The following ADGRV1 variants were observed in gnomAD, a reference collection of about 807,000 sequenced individuals.
ADGRV1 encodes adhesion G protein-coupled receptor V1.
A neutral mutation model predicts 596.2 loss-of-function variants in ADGRV1; 359 were observed. The observed-to-expected ratio is 0.60, with a 90% CI of 0.55 to 0.66. ADGRV1 has a LOEUF of 0.66. ADGRV1 is among the 30% of genes least tolerant of loss of function. The probability of loss-of-function intolerance (pLI) is 0.00; values close to 1 mark genes in which losing one functional copy is unlikely to be tolerated. For synonymous variants in ADGRV1, 2,681 were observed against 2,679.2 expected, an observed-to-expected ratio of 1.00 and a Z score of -0.02; for missense variants, 7,274 against 7,575.6, an observed-to-expected ratio of 0.96 and a Z score of 1.48.
chr5:90,972,342 C>T (rs1011001243), intron 84 of ADGRV1, among the ~76,000 whole-genome samples: 35 of 152,216 alleles, frequency 2.3e-4, no homozygotes, highest in Admixed American at 5.9e-4. Flanking sequence ...CAGCTCTGCA[C>T]CAAGCGGATC....
chr5:90,679,684 A>C, intron 26 of ADGRV1, 55 bp downstream of exon 26: 1 of 1,235,348 alleles, frequency 8.1e-7, no homozygotes, highest in Non-Finnish European at 1.2e-6. Context: ...TTAACTTCTC[A>C]TTTTAGAGAC....
At chr5:91,043,110 A>G (rs1482197681) in intron 85 of ADGRV1, among the ~76,000 whole-genome samples, 1 of 152,194 alleles carries the variant, frequency 6.6e-6, no homozygotes, top group East Asian at 1.9e-4. Context: ...TGTAACTCTT[A>G]TGAGAAGAGG....
intron 74 of ADGRV1, among the ~76,000 whole-genome samples, chr5:90,813,201 TAGA>T (rs199819429): frequency 0.94 from 112,621 of 120,122 alleles, 53,058 homozygotes; most frequent in East Asian, 1. Flanking sequence ...CTCATTCTAA[TAGA>T]GACACAGATA....
intron 87 of ADGRV1, among the ~76,000 whole-genome samples, chr5:91,133,525 G>A (rs1794385934): frequency 6.6e-6 from 1 of 152,242 alleles, no homozygotes. Context: ...AGGTTTCTGA[G>A]CTTGCTAAGG....
intron 83 of ADGRV1, among the ~76,000 whole-genome samples, chr5:90,896,409 T>G (rs1298938376): frequency 6.6e-6 from 1 of 151,184 alleles, no homozygotes; most frequent in Admixed American, 6.6e-5. Context: ...TAGGTGGGAC[T>G]ACAGGCATTT....
chr5:90,664,937 A>T (rs1771047039), intron 21 of ADGRV1, among the ~76,000 whole-genome samples: 1 of 152,030 alleles, frequency 6.6e-6, no homozygotes, highest in African/African-American at 2.4e-5. Flanking sequence ...CGTATATTGA[A>T]CCAGCTTGCA....
At chr5:90,948,932 T>TA (rs200356509) in intron 83 of ADGRV1, among the ~76,000 whole-genome samples, 2,000 of 152,180 alleles carry the variant, frequency 0.013, 52 homozygotes, top group African/African-American at 0.046. Context: ...CGTCTGTGTA[T>TA]AAAATATTTA....
chr5:90,753,648 A>G lies in ADGRV1; in HGVS notation c.11196A>G (p.Ser3732=), dbSNP rs1164189178. Reference sequence around the variant, plus strand: ...TTGCTGATAATATACCAGAGTTATCAGAGGTTGTGATTGTAACCCTCACCC... The same window carrying G: ...TTGCTGATAATATACCAGAGTTATCGGAGGTTGTGATTGTAACCCTCACCC... The part of the protein sequence containing the change: ...TILADNIPEL[S]EVVIVTLTRI... Residue 3732 remains serine, a synonymous_variant, in exon 54 of 90, where the codon TCA becomes TCG. Coordinates refer to ENST00000405460, the MANE Select transcript of ADGRV1 (RefSeq NM_032119.4). 1.2e-6 allele frequency: 2 copies of G among 1,613,434 alleles called. No individual in the cohort carries two copies. The highest frequency in any genetic ancestry group is 2.7e-5 in the African/African-American group (2 of 74,900).
chr5:90,563,963 G>A (rs992731400), intron 1 of ADGRV1, among the ~76,000 whole-genome samples: 5 of 152,198 alleles, frequency 3.3e-5, no homozygotes, highest in Non-Finnish European at 5.9e-5. Context: ...TGTAATCCAT[G>A]TCATGGACCA....
chr5:90,918,926 A>G (rs906862651), intron 83 of ADGRV1, among the ~76,000 whole-genome samples: 43 of 152,026 alleles, frequency 2.8e-4, no homozygotes, highest in African/African-American at 1.0e-3. Context: ...TAACCCAGAG[A>G]CCTAATCAAT....
intron 69 of ADGRV1, among the ~76,000 whole-genome samples, chr5:90,790,120 T>A (rs1353274004): frequency 1.3e-5 from 2 of 152,184 alleles, no homozygotes; most frequent in African/African-American, 2.4e-5. Flanking sequence ...GATTTTACAT[T>A]TTATTGTTTG....
intron 84 of ADGRV1, among the ~76,000 whole-genome samples, chr5:90,974,549 G>A (rs903480375): frequency 1.0e-3 from 153 of 151,898 alleles, no homozygotes; most frequent in Non-Finnish European, 1.5e-3. Flanking sequence ...AATACCACAC[G>A]TCTACAACCA....
At chr5:91,139,535 A>G (rs779957778) in intron 87 of ADGRV1, among the ~76,000 whole-genome samples, 5 of 152,220 alleles carry the variant, frequency 3.3e-5, no homozygotes, top group Admixed American at 6.5e-5. Context: ...TTTCTCTTCA[A>G]ATGGAACACC....
intron 83 of ADGRV1, among the ~76,000 whole-genome samples, chr5:90,920,012 A>G (rs995878804): frequency 3.5e-4 from 53 of 152,032 alleles, no homozygotes; most frequent in African/African-American, 8.0e-4. Flanking sequence ...AAAAAAAAAA[A>G]AAAGAAAAAT....
intron 86 of ADGRV1, among the ~76,000 whole-genome samples, chr5:91,101,747 G>T (rs189949379): frequency 2.0e-5 from 3 of 151,964 alleles, no homozygotes; most frequent in Admixed American, 1.3e-4. Context: ...TCAGAAAAAA[G>T]ATGTGAGTAC....
intron 1 of ADGRV1, among the ~76,000 whole-genome samples, chr5:90,587,269 T>G (rs920027749): frequency 6.6e-6 from 1 of 152,190 alleles, no homozygotes; most frequent in Non-Finnish European, 1.5e-5. Context: ...TGTTCAGGTT[T>G]ATTTTGCATA....
intron 59 of ADGRV1, among the ~76,000 whole-genome samples, chr5:90,765,869 G>GTT (rs569009519): frequency 2.8e-5 from 4 of 141,576 alleles, no homozygotes; most frequent in African/African-American, 7.7e-5. Context: ...ATGCCTGGCT[G>GTT]TTTTTTTTTT....
At chr5:91,099,950 C>T (rs1048785842) in intron 86 of ADGRV1, among the ~76,000 whole-genome samples, 3 of 152,150 alleles carry the variant, frequency 2.0e-5, no homozygotes, top group African/African-American at 7.2e-5. Context: ...TACCTAGCCC[C>T]AGATCACAGT....
At chr5:90,981,349 AC>A (rs1198482902) in intron 84 of ADGRV1, among the ~76,000 whole-genome samples, 1 of 152,196 alleles carries the variant, frequency 6.6e-6, no homozygotes, top group Non-Finnish European at 1.5e-5. Context: ...CAGAGGGGTA[AC>A]TTTGAATAGA....
Sources: allele counts gnomAD v4.1 joint callset (sites outside exome capture counted in the v4.1 genomes callset), GRCh38; gene constraint gnomAD v4.1.1; transcripts MANE v1.5; gene names NCBI Gene and HGNC (gene_info 2026-07-23, HGNC 2026-07-21).